Variants in TMEM163 observed in about 807,000 individuals in gnomAD.
TMEM163 encodes the protein transmembrane protein 163.
In TMEM163, 17 loss-of-function variants were observed where a neutral mutation model predicts 29.3. The observed-to-expected ratio is 0.58, with a 90% CI of 0.40 to 0.87. TMEM163 has a LOEUF of 0.87. Among genes scored for constraint, TMEM163 ranks in the 40% least tolerant of loss-of-function variants. TMEM163 has a pLI of 0.00. For missense variants in TMEM163, 303 were observed against 381.5 expected (o/e 0.79, Z 1.71); for synonymous variants, 157 against 160.6 (o/e 0.98, Z 0.17).
At chr2:134,564,550 C>T (rs1402595676) in intron 2 of TMEM163, among the ~76,000 whole-genome samples, 1 of 152,134 alleles carries the variant, frequency 6.6e-6, no homozygotes, top group Non-Finnish European at 1.5e-5. Context: ...TTAAAGACCT[C>T]CTTCAAAGAG....
intron 2 of TMEM163, among the ~76,000 whole-genome samples, chr2:134,572,952 C>G (rs1045608979): frequency 1.3e-5 from 2 of 152,178 alleles, no homozygotes; most frequent in South Asian, 2.1e-4. Context: ...AAGTACAACA[C>G]GCTGTTGAAT....
intron 5 of TMEM163, among the ~76,000 whole-genome samples, chr2:134,474,620 A>C (rs923081826): frequency 1.3e-4 from 20 of 152,170 alleles, no homozygotes; most frequent in Admixed American, 1.2e-3. Flanking sequence ...TCACTAATTT[A>C]CCATTCCTCC....
At chr2:134,644,522 T>C (rs1490832330) in intron 2 of TMEM163, among the ~76,000 whole-genome samples, 4 of 152,174 alleles carry the variant, frequency 2.6e-5, no homozygotes, top group Non-Finnish European at 5.9e-5. Flanking sequence ...CAACAAATGA[T>C]GTTAGAACAA....
Position 134,718,994 on chromosome 2 carries a change from G to A in TMEM163, c.-59C>T, listed in dbSNP as rs1685105195. ...ACAAGCGCGGCGGGGACTCGAGTCA[G>A]AAGTGCGAGGCGCCGCGGCTCTGGC... On this transcript the variant is annotated 5_prime_UTR_variant, in exon 1 of 8. Transcript: ENST00000281924. 2.0e-6 allele frequency: 2 copies of A among 977,370 alleles called. No individual in the cohort carries two copies. Among genetic ancestry groups the A allele is most frequent in the Non-Finnish European group, 2.4e-6 (2 of 818,294 alleles). 60.5% of individuals were successfully genotyped at this position (977,370 alleles called of 1,614,324 possible).
chr2:134,690,528 C>T (rs1299838149), intron 2 of TMEM163, among the ~76,000 whole-genome samples: 1 of 152,206 alleles, frequency 6.6e-6, no homozygotes, highest in African/African-American at 2.4e-5. Context: ...TCAAGTGATC[C>T]GCCAGCCTCA....
At chr2:134,692,977 C>T (rs1034279848) in intron 2 of TMEM163, among the ~76,000 whole-genome samples, 17 of 152,150 alleles carry the variant, frequency 1.1e-4, no homozygotes, top group African/African-American at 3.6e-4. Context: ...ACCTCAGTCA[C>T]GTTCCAGTTG....
At chr2:134,563,986 G>A (rs61635974) in intron 2 of TMEM163, among the ~76,000 whole-genome samples, 5,427 of 152,216 alleles carry the variant, frequency 0.036, 342 homozygotes, top group African/African-American at 0.12. Flanking sequence ...CGGAGGCGGA[G>A]GTTGCAGTGA....
At chr2:134,636,569 C>T (rs987672598) in intron 2 of TMEM163, among the ~76,000 whole-genome samples, 1 of 152,190 alleles carries the variant, frequency 6.6e-6, no homozygotes, top group East Asian at 1.9e-4. Flanking sequence ...TTGGGATGAA[C>T]TTAGTTTATA....
intron 4 of TMEM163, among the ~76,000 whole-genome samples, chr2:134,513,511 C>A (rs1238850533): frequency 6.6e-6 from 1 of 152,182 alleles, no homozygotes; most frequent in Non-Finnish European, 1.5e-5. Context: ...TGAGACCCAA[C>A]CCTGTGGAGC....
rs548095763 is a variant in TMEM163, at chr2:134,616,163, T to C, written c.323-64072A>G. On this transcript the variant is annotated intron_variant, in intron 2 of 7. Transcript: ENST00000281924. ...AGATCATGGCAACAGTTTTTTGAGATGCTCAACGTATTTTGCTTACTGACT... is the reference window on the plus strand; with the variant it reads ...AGATCATGGCAACAGTTTTTTGAGACGCTCAACGTATTTTGCTTACTGACT... 2.6e-5 allele frequency among the ~76,000 whole-genome samples: 4 copies of C among 152,310 alleles called. No individual in the cohort carries two copies. The South Asian group carries it at 8.3e-4, about 32-fold the overall frequency.
At chr2:134,498,968 GGAA>G (rs888222264) in intron 5 of TMEM163, among the ~76,000 whole-genome samples, 8 of 152,202 alleles carry the variant, frequency 5.3e-5, no homozygotes, top group Admixed American at 2.0e-4. Context: ...GACGATCTCA[GGAA>G]GATCACTTCA....
At chr2:134,631,343 T>G (rs995496459) in intron 2 of TMEM163, among the ~76,000 whole-genome samples, 1 of 152,244 alleles carries the variant, frequency 6.6e-6, no homozygotes, top group African/African-American at 2.4e-5. Flanking sequence ...CTTTTTTTTC[T>G]TGTTCTGTTT....
At chr2:134,597,020 CG>C (rs1682101901) in intron 2 of TMEM163, among the ~76,000 whole-genome samples, 1 of 151,990 alleles carries the variant, frequency 6.6e-6, no homozygotes, top group Non-Finnish European at 1.5e-5. Context: ...TGGGCTGAGA[CG>C]ACGGGGTTTT....
Position 134,460,979 on chromosome 2 carries a change from T to C in TMEM163, c.668-2806A>G, listed in dbSNP as rs1281772439. Among the ~76,000 whole-genome samples the C allele has an allele frequency of 1.3e-5, 2 of 152,214 alleles. No individual in the cohort carries two copies. The highest frequency in any genetic ancestry group is 4.8e-5 in the African/African-American group (2 of 41,450). On this transcript the variant is annotated intron_variant, in intron 6 of 7. Coordinates refer to ENST00000281924, the MANE Select transcript of TMEM163 (RefSeq NM_030923.5). The surrounding 1 kb of genome is among the most constrained non-coding windows in gnomAD (Gnocchi z 4.3). ...GATGCTGGATCAAGCACACAGGGAC[T>C]AGGGACCGAGTCAGTGGCCACCTGC...
intron 6 of TMEM163, among the ~76,000 whole-genome samples, chr2:134,465,685 C>T (rs1188716966): frequency 6.6e-6 from 1 of 152,222 alleles, no homozygotes; most frequent in African/African-American, 2.4e-5. Flanking sequence ...GTAACTGCAA[C>T]CTGAACTCCC....
intron 2 of TMEM163, among the ~76,000 whole-genome samples, chr2:134,710,470 C>T (rs1684901540): frequency 6.6e-6 from 1 of 151,972 alleles, no homozygotes; most frequent in Non-Finnish European, 1.5e-5. Context: ...CCAGCTGACC[C>T]CAGGAGATGC....
chr2:134,542,910 C>T (rs767573293), intron 4 of TMEM163, among the ~76,000 whole-genome samples: 13 of 152,126 alleles, frequency 8.5e-5, no homozygotes, highest in South Asian at 2.1e-4. Context: ...CTCCTTGTCC[C>T]GTGGGAGTCT....
At position 134,707,923 on chromosome 2, in the gene TMEM163, TA is replaced by T. The variant is rs1479543196; in HGVS notation, c.322+5276del. Among the ~76,000 whole-genome samples the T allele has an allele frequency of 2.1e-5, 3 of 143,852 alleles. No individual in the cohort carries two copies. The East Asian group carries it at 6.2e-4, about 30-fold the overall frequency. The allele number at this position is 143,852 out of a possible 152,430, so 94.4% of individuals were successfully genotyped here. ...TTTTTTTTTTTTTTTTTTTGAGACA[TA>T]GTCTCCCAGGCTGGAGTGCAATGGT... On this transcript the variant is annotated intron_variant, in intron 2 of 7. Coordinates refer to ENST00000281924, the MANE Select transcript of TMEM163 (RefSeq NM_030923.5).
intron 5 of TMEM163, among the ~76,000 whole-genome samples, chr2:134,484,001 G>T (rs1001123295): frequency 3.9e-5 from 6 of 152,304 alleles, no homozygotes; most frequent in African/African-American, 1.4e-4. Context: ...AATTAGCTGG[G>T]TGTGGTGGCG....
Sources: gnomAD v4.1 joint callset for allele counts (sites outside exome capture counted in the v4.1 genomes callset) on GRCh38, gnomAD v4.1.1 for gene constraint, Gnocchi (gnomAD v3.1) non-coding constraint, MANE v1.5 for transcripts, NCBI Gene and HGNC (gene_info 2026-07-23, HGNC 2026-07-21) for gene names.